IQCK: variants seen among roughly 807,000 people sequenced by gnomAD.
IQCK encodes the protein IQ motif containing K.
A neutral mutation model predicts 28.1 loss-of-function variants in IQCK; 29 were observed. The observed-to-expected ratio is 1.03, with a 90% confidence interval of 0.77 to 1.41. IQCK has a LOEUF of 1.41. Among genes scored for constraint, IQCK ranks in the 40% most tolerant of loss-of-function variants. The probability of loss-of-function intolerance (pLI) is 0.00; values close to 1 mark genes in which losing one functional copy is unlikely to be tolerated. For synonymous variants in IQCK, 113 were observed against 115.1 expected, an observed-to-expected ratio of 0.98 and a Z score of 0.12; for missense variants, 359 against 314.7, an observed-to-expected ratio of 1.14 and a Z score of -1.07.
intron 9 of IQCK, among the ~76,000 whole-genome samples, chr16:19,835,328 A>T (rs537496274): frequency 1.6e-4 from 25 of 152,090 alleles, no homozygotes; most frequent in Non-Finnish European, 3.5e-4. Context: ...ACATGTAACC[A>T]TATTATATAT....
At chr16:19,733,522 T>G (rs1430217210) in intron 2 of IQCK, among the ~76,000 whole-genome samples, 176 bp from the exon 3 acceptor site, 1 of 152,198 alleles carries the variant, frequency 6.6e-6, no homozygotes, top group Admixed American at 6.5e-5. Context: ...CAGGGGTTTC[T>G]GCCTTGTCGT....
chr16:19,748,241 A>T (rs2054939713), intron 4 of IQCK, among the ~76,000 whole-genome samples: 1 of 151,764 alleles, frequency 6.6e-6, no homozygotes, highest in Admixed American at 6.6e-5. Context: ...GTCCCAGCTA[A>T]TTTTTATGTT....
chr16:19,831,590 A>T (rs1597598094), downstream of IQCK, among the ~76,000 whole-genome samples: 1 of 152,058 alleles, frequency 6.6e-6, no homozygotes, highest in South Asian at 2.1e-4. Flanking sequence ...AGCACATGCT[A>T]GTTCTCCTTT....
intron 9 of IQCK, among the ~76,000 whole-genome samples, chr16:19,847,443 T>C (rs913999475): frequency 1.3e-5 from 2 of 152,206 alleles, no homozygotes; most frequent in African/African-American, 4.8e-5. Context: ...ATCCAGATAG[T>C]GAACATGGGC....
chr16:19,772,960 G>A (rs2055338660), intron 6 of IQCK, among the ~76,000 whole-genome samples: 1 of 152,148 alleles, frequency 6.6e-6, no homozygotes, highest in African/African-American at 2.4e-5. Context: ...CTGTGGTTGT[G>A]CCGCTGCAAT....
chr16:19,735,805 A>G (rs1262506163), intron 4 of IQCK: 2 of 339,362 alleles, frequency 5.9e-6, no homozygotes, highest in Non-Finnish European at 1.1e-5. Context: ...GCCCATGCCT[A>G]TAATCCCAGC....
intron 4 of IQCK, among the ~76,000 whole-genome samples, chr16:19,743,293 A>G (rs2054862961): frequency 6.6e-6 from 1 of 152,154 alleles, no homozygotes; most frequent in South Asian, 2.1e-4. Context: ...ACAGGAGGTA[A>G]TTTATTAACT....
At chr16:19,736,973 C>T (rs957251518) in intron 4 of IQCK, among the ~76,000 whole-genome samples, 2 of 149,006 alleles carry the variant, frequency 1.3e-5, no homozygotes, top group African/African-American at 5.0e-5. Flanking sequence ...CAAAGTGAGA[C>T]CCGGTATTTA....
chr16:19,763,417 G>A (rs2055178598), intron 4 of IQCK, among the ~76,000 whole-genome samples: 1 of 152,020 alleles, frequency 6.6e-6, no homozygotes, highest in Admixed American at 6.6e-5. Context: ...AGGGGAGGCA[G>A]GAGAGGCAGG....
intron 6 of IQCK, among the ~76,000 whole-genome samples, chr16:19,770,543 G>A (rs148977289): frequency 7.1e-6 from 1 of 141,840 alleles, no homozygotes; most frequent in African/African-American, 2.6e-5. Flanking sequence ...TTGGCTAGTG[G>A]CCCCTGCATT....
At chr16:19,821,023 T>G (rs2056064827) in intron 7 of IQCK, among the ~76,000 whole-genome samples, 1 of 152,120 alleles carries the variant, frequency 6.6e-6, no homozygotes, top group African/African-American at 2.4e-5. Context: ...AGATGCCACT[T>G]CATATCTACT....
intron 9 of IQCK, among the ~76,000 whole-genome samples, chr16:19,832,424 T>A (rs1470553091): frequency 6.6e-6 from 1 of 152,206 alleles, no homozygotes; most frequent in African/African-American, 2.4e-5. Flanking sequence ...GTCTACTTTT[T>A]GTTTGCTTAA....
chr16:19,728,424 A>AT (rs1440779356), intron 1 of IQCK, among the ~76,000 whole-genome samples: 1 of 151,980 alleles, frequency 6.6e-6, no homozygotes, highest in African/African-American at 2.4e-5. Context: ...TAATTTTTGT[A>AT]TTTTTAGTAG....
chr16:19,855,299 A>G (rs1335155937), intron 9 of IQCK, among the ~76,000 whole-genome samples: 1 of 152,130 alleles, frequency 6.6e-6, no homozygotes, highest in East Asian at 1.9e-4. Context: ...TCCATCAGAA[A>G]ATAACCACAG....
At chr16:19,838,938 G>A (rs987481391) in intron 9 of IQCK, among the ~76,000 whole-genome samples, 1 of 138,300 alleles carries the variant, frequency 7.2e-6, no homozygotes, top group Admixed American at 8.3e-5. Flanking sequence ...AGAATTGCTC[G>A]AACCTAGGAG....
intron 4 of IQCK, among the ~76,000 whole-genome samples, chr16:19,748,112 TTGCCCAGGCTGGAG>T (rs111624356): frequency 3.3e-5 from 5 of 149,528 alleles, no homozygotes; most frequent in African/African-American, 1.3e-4. Context: ...TCTTACTCTG[TTGCCCAGGCTGGAG>T]TGCAGTGGTG....
intron 4 of IQCK, among the ~76,000 whole-genome samples, chr16:19,757,012 C>A (rs1453976768): frequency 6.6e-6 from 1 of 152,064 alleles, no homozygotes; most frequent in Non-Finnish European, 1.5e-5. Context: ...TCTTGGACTT[C>A]CTAGCCTCTA....
chr16:19,769,416 C>T (rs116003590), intron 6 of IQCK, among the ~76,000 whole-genome samples: 2,363 of 152,264 alleles, frequency 0.016, 44 homozygotes, highest in African/African-American at 0.053. Flanking sequence ...CAAATGGGAT[C>T]GTGAACAAGC....
At position 19,798,366 on chromosome 16, in the gene IQCK, C is replaced by T. The variant is rs373174669; in HGVS notation, c.690+9444C>T. Among the ~76,000 whole-genome samples, 8 of 118,020 alleles carry T rather than the reference C, an allele frequency of 6.8e-5. No homozygotes were observed. In the South Asian group the frequency reaches 1.2e-3, roughly 18 times the overall value. The allele number at this position is 118,020 out of a possible 152,430, so 77.4% of individuals were successfully genotyped here. ...CCAGGAGGAGGAAGTTTCAGTGAGC[C>T]GAGATCATGCCATTGCACTCCAGCC... On this transcript the variant is annotated intron_variant, in intron 7 of 7. Transcript: ENST00000564186.
Sources: allele counts gnomAD v4.1 joint callset (sites outside exome capture counted in the v4.1 genomes callset), GRCh38; gene constraint gnomAD v4.1.1; transcripts MANE v1.5; gene names NCBI Gene and HGNC (gene_info 2026-07-23, HGNC 2026-07-21).